Variants in RBFOX3 observed in about 807,000 individuals in gnomAD.
RBFOX3 encodes the protein RNA binding fox-1 homolog 3.
Under a neutral mutation model 48.7 loss-of-function variants are expected in RBFOX3, and 17 were observed. The ratio of observed to expected loss-of-function variants is 0.35; its 90% CI spans 0.24 to 0.52. The LOEUF (loss-of-function observed/expected upper bound fraction) is 0.52. Ranked by LOEUF, RBFOX3 falls within the 20% of genes least tolerant of loss-of-function variation. The pLI is 0.94. For synonymous variants in RBFOX3, 212 were observed against 209.5 expected, an observed-to-expected ratio of 1.01 and a Z score of -0.10; for missense variants, 382 against 497.5, an observed-to-expected ratio of 0.77 and a Z score of 2.21.
At chr17:79,640,291 C>T in the RBFOX3 span, among the ~76,000 whole-genome samples, 1 of 151,982 alleles carries the variant, frequency 6.6e-6, no homozygotes, top group Admixed American at 6.6e-5. Flanking sequence ...AACACTGATG[C>T]AGGAAATTAA....
intron 4 of RBFOX3, among the ~76,000 whole-genome samples, chr17:79,136,895 A>C (rs2040337507): frequency 6.6e-6 from 1 of 152,074 alleles, no homozygotes. Context: ...TCACAGTCTT[A>C]AGCCAGAGTG....
At chr17:79,630,847 A>G in the RBFOX3 span, among the ~76,000 whole-genome samples, 1 of 152,144 alleles carries the variant, frequency 6.6e-6, no homozygotes, top group Non-Finnish European at 1.5e-5. Context: ...GTGGAAACTG[A>G]GTCTCTGAGA....
chr17:79,501,286 G>A (rs2082346312), intron 1 of RBFOX3, among the ~76,000 whole-genome samples: 1 of 152,214 alleles, frequency 6.6e-6, no homozygotes, highest in Non-Finnish European at 1.5e-5. Context: ...CATTCACTGG[G>A]CGGGCTCAGC....
At chr17:79,145,748 A>G (rs986114917) in intron 4 of RBFOX3, among the ~76,000 whole-genome samples, 2 of 151,836 alleles carry the variant, frequency 1.3e-5, no homozygotes, top group African/African-American at 4.8e-5. Flanking sequence ...CAGCACCTGG[A>G]CCCACTGACA....
At chr17:79,148,961 T>A (rs1300434485) in intron 4 of RBFOX3, among the ~76,000 whole-genome samples, 1 of 152,194 alleles carries the variant, frequency 6.6e-6, no homozygotes, top group Non-Finnish European at 1.5e-5. Flanking sequence ...TTCAAGGGGC[T>A]GGAATAATTC....
chr17:79,505,927 G>C (rs1555778621), intron 1 of RBFOX3, among the ~76,000 whole-genome samples: 2 of 152,228 alleles, frequency 1.3e-5, no homozygotes, highest in South Asian at 4.1e-4. Flanking sequence ...AGCTGAGGAA[G>C]CAAAGGCTAA....
Position 79,270,511 on chromosome 17 carries a change from C to T in RBFOX3, c.-73-34706G>A, listed in dbSNP as rs374323672. ...CTCCTGTACCCAGGTCTGTCCTTTC[C>T]TATTATTTAATATGGCCACCTCTCT... is the stretch of plus-strand genomic sequence containing the variant. On this transcript the variant is annotated intron_variant, in intron 3 of 14. Transcript: ENST00000693108. Among the ~76,000 whole-genome samples the T allele has an allele frequency of 3.3e-5, 5 of 152,342 alleles. No homozygotes were observed. The East Asian group carries it at 9.6e-4, about 29-fold the overall frequency.
At chr17:79,370,020 G>A (rs1251245973) in intron 2 of RBFOX3, among the ~76,000 whole-genome samples, 1 of 152,206 alleles carries the variant, frequency 6.6e-6, no homozygotes, top group Non-Finnish European at 1.5e-5. Flanking sequence ...TCCCACCAAA[G>A]AGAAGGCTCT....
intron 1 of RBFOX3, among the ~76,000 whole-genome samples, chr17:79,552,831 A>C (rs2091282803): frequency 6.6e-6 from 1 of 152,244 alleles, no homozygotes; most frequent in Admixed American, 6.5e-5. Context: ...CTGTTGTAAG[A>C]CAGATACATA....
At chr17:79,476,193 C>A (rs929334654) in intron 2 of RBFOX3, among the ~76,000 whole-genome samples, 5 of 152,216 alleles carry the variant, frequency 3.3e-5, no homozygotes, top group African/African-American at 1.2e-4. Context: ...CATCTGGAAG[C>A]TCTTCTCACC....
chr17:79,273,409 A>G (rs1240896548), intron 3 of RBFOX3, among the ~76,000 whole-genome samples: 2 of 152,000 alleles, frequency 1.3e-5, no homozygotes, highest in Admixed American at 6.6e-5. Flanking sequence ...TGAGAAGGGG[A>G]GAGAGTGTTT....
At chr17:79,271,371 C>T (rs1458160455) in intron 3 of RBFOX3, among the ~76,000 whole-genome samples, 4 of 152,178 alleles carry the variant, frequency 2.6e-5, no homozygotes, top group South Asian at 2.1e-4. Context: ...CCACCGTGCC[C>T]GGCCTAAAAA....
At chr17:79,317,403 CTGG>C (rs2077687942) in intron 2 of RBFOX3, among the ~76,000 whole-genome samples, 1 of 152,244 alleles carries the variant, frequency 6.6e-6, no homozygotes, top group South Asian at 2.1e-4. Context: ...CAGATTTGAG[CTGG>C]TGAAGCCCCC....
At chr17:79,187,478 C>T (rs145319114) in intron 4 of RBFOX3, among the ~76,000 whole-genome samples, 2 of 152,148 alleles carry the variant, frequency 1.3e-5, no homozygotes, top group South Asian at 2.1e-4. Flanking sequence ...TCGTGCTTTC[C>T]GCAGAGCCAG....
At chr17:79,208,839 G>T (rs180743081) in intron 4 of RBFOX3, among the ~76,000 whole-genome samples, 1 of 151,196 alleles carries the variant, frequency 6.6e-6, no homozygotes. Flanking sequence ...TGTTTGAGAC[G>T]GAGTCTCGCT....
intron 4 of RBFOX3, among the ~76,000 whole-genome samples, chr17:79,149,438 C>T (rs2043819304): frequency 6.6e-6 from 1 of 152,154 alleles, no homozygotes; most frequent in African/African-American, 2.4e-5. Flanking sequence ...GGAACACGGG[C>T]ATTGCTGTCC....
intron 3 of RBFOX3, among the ~76,000 whole-genome samples, chr17:79,255,215 ATGTGTGCGTG>A (rs1255731701): frequency 5.4e-5 from 7 of 128,700 alleles, no homozygotes; most frequent in East Asian, 2.4e-4. Context: ...CTGTGGTCAC[ATGTGTGCGTG>A]TGTGTGTGTG....
At chr17:79,539,946 A>C (rs1555789747) in intron 1 of RBFOX3, among the ~76,000 whole-genome samples, 2 of 152,212 alleles carry the variant, frequency 1.3e-5, no homozygotes, top group Non-Finnish European at 2.9e-5. Context: ...TATACAAAAA[A>C]ACCTTTGTCA....
intron 2 of RBFOX3, among the ~76,000 whole-genome samples, chr17:79,454,788 G>A (rs1347517182): frequency 5.3e-5 from 8 of 152,234 alleles, no homozygotes; most frequent in Non-Finnish European, 8.8e-5. Flanking sequence ...ACTGACTGGA[G>A]CGACTTGGAA....
Sources: gnomAD v4.1 joint callset for allele counts (sites outside exome capture counted in the v4.1 genomes callset) on GRCh38, gnomAD v4.1.1 for gene constraint, MANE v1.5 for transcripts, NCBI Gene and HGNC (gene_info 2026-07-23, HGNC 2026-07-21) for gene names.